The following COL24A1 variants were observed in gnomAD, a reference collection of about 807,000 sequenced individuals.
COL24A1 encodes the protein collagen type XXIV alpha 1 chain.
Under a neutral mutation model 253.9 loss-of-function variants are expected in COL24A1, and 224 were observed. That is an observed-to-expected ratio of 0.88 (90% CI 0.79 to 0.99). The LOEUF (loss-of-function observed/expected upper bound fraction) is 0.99, where lower values mean the gene tolerates loss of function less well. Ranked by LOEUF, COL24A1 falls within the 50% of genes least tolerant of loss-of-function variation. COL24A1 has a pLI of 0.00. For synonymous variants in COL24A1, 685 were observed against 673.7 expected (o/e 1.02, Z -0.26); for missense variants, 2,131 against 2,068.5 (o/e 1.03, Z -0.59).
At chr1:85,918,831 A>G (rs1372472681) in intron 24 of COL24A1, among the ~76,000 whole-genome samples, 2 of 152,220 alleles carry the variant, frequency 1.3e-5, no homozygotes, top group Non-Finnish European at 2.9e-5. Flanking sequence ...TGAAAATGTG[A>G]AAAGAAAAAA....
chr1:85,851,800 T>A (rs1359882467), intron 37 of COL24A1, among the ~76,000 whole-genome samples: 1 of 152,216 alleles, frequency 6.6e-6, no homozygotes, highest in Non-Finnish European at 1.5e-5. Context: ...TATGTTTTTA[T>A]ACATACTTAT....
chr1:85,975,160 G>C (rs1692539324), intron 20 of COL24A1, among the ~76,000 whole-genome samples: 1 of 151,950 alleles, frequency 6.6e-6, no homozygotes, highest in Non-Finnish European at 1.5e-5. Context: ...GTGATTTATT[G>C]GTGGGAATGT....
At chr1:86,027,816 T>A (rs1698187361) in intron 14 of COL24A1, among the ~76,000 whole-genome samples, 1 of 152,240 alleles carries the variant, frequency 6.6e-6, no homozygotes, top group South Asian at 2.1e-4. Context: ...ACCATTCACC[T>A]GGAAAAGCCA....
At chr1:85,909,815 T>C in intron 26 of COL24A1, 135 bp downstream of exon 26, 2 of 774,014 alleles carry the variant, frequency 2.6e-6, no homozygotes, top group Non-Finnish European at 4.5e-6. Context: ...AGATAAACCA[T>C]TTAAAAATAA....
At chr1:85,918,284 C>T (rs769030620) in intron 24 of COL24A1, among the ~76,000 whole-genome samples, 19 of 152,010 alleles carry the variant, frequency 1.2e-4, no homozygotes, top group African/African-American at 1.9e-4. Context: ...TCAATTTTCA[C>T]GTGGTATAAG....
chr1:85,862,892 T>C (rs926495598), intron 37 of COL24A1, among the ~76,000 whole-genome samples: 2 of 152,212 alleles, frequency 1.3e-5, no homozygotes, highest in Non-Finnish European at 2.9e-5. Context: ...ATTGAATCTA[T>C]AAATTACCTT....
At chr1:86,128,736 G>C (rs74097692) in intron 2 of COL24A1, among the ~76,000 whole-genome samples, 7,019 of 151,880 alleles carry the variant, frequency 0.046, 552 homozygotes, top group African/African-American at 0.16. Context: ...ATGACAAATA[G>C]CTGTTTTTTA....
At chr1:85,800,024 A>T (rs1017458765) in intron 47 of COL24A1, among the ~76,000 whole-genome samples, 1 of 152,222 alleles carries the variant, frequency 6.6e-6, no homozygotes, top group African/African-American at 2.4e-5. Flanking sequence ...AAAGGGACAG[A>T]ATCTGTTCTA....
chr1:85,866,218 G>A (rs370249091), intron 37 of COL24A1, among the ~76,000 whole-genome samples: 16 of 151,918 alleles, frequency 1.1e-4, no homozygotes, highest in Middle Eastern at 3.4e-3. Context: ...AGCCAAGATC[G>A]TGCCACTGCA....
At chr1:86,146,843 T>A (rs942421410) in intron 1 of COL24A1, among the ~76,000 whole-genome samples, 13 of 152,122 alleles carry the variant, frequency 8.5e-5, no homozygotes, top group Non-Finnish European at 1.8e-4. Flanking sequence ...TCCATTAGTA[T>A]TGATAAGCTA....
chr1:86,037,217 C>A (rs982848825), intron 12 of COL24A1, among the ~76,000 whole-genome samples: 3 of 152,114 alleles, frequency 2.0e-5, no homozygotes, highest in African/African-American at 7.2e-5. Context: ...AAAGGATCTC[C>A]AAAGATTCCC....
chr1:85,934,627 G>A (rs1398296800), intron 24 of COL24A1, among the ~76,000 whole-genome samples: 1 of 152,164 alleles, frequency 6.6e-6, no homozygotes, highest in Non-Finnish European at 1.5e-5. Flanking sequence ...AATGCCAGAA[G>A]ATGAACTACT....
intron 14 of COL24A1, among the ~76,000 whole-genome samples, chr1:86,029,035 T>C (rs1698303748): frequency 6.6e-6 from 1 of 152,102 alleles, no homozygotes; most frequent in African/African-American, 2.4e-5. Context: ...TCCATGCTAA[T>C]AGATTAAATA....
At chr1:85,968,155 C>T (rs1691759959) in intron 22 of COL24A1, among the ~76,000 whole-genome samples, 1 of 152,262 alleles carries the variant, frequency 6.6e-6, no homozygotes, top group South Asian at 2.1e-4. Flanking sequence ...CCTCAGCTTG[C>T]AGACAGCCTA....
intron 45 of COL24A1, among the ~76,000 whole-genome samples, chr1:85,820,741 G>A (rs895830277): frequency 1.3e-5 from 2 of 152,172 alleles, no homozygotes; most frequent in Middle Eastern, 3.2e-3. Context: ...ATATAAAATT[G>A]TGCTTTCTTT....
chr1:86,104,685 AC>A (rs1354159953), intron 5 of COL24A1, among the ~76,000 whole-genome samples: 9 of 152,148 alleles, frequency 5.9e-5, no homozygotes, highest in African/African-American at 2.2e-4. Flanking sequence ...ATGCTCTAAC[AC>A]TGAGGGACTG....
intron 55 of COL24A1, among the ~76,000 whole-genome samples, chr1:85,758,338 A>C (rs1240362530): frequency 6.6e-6 from 1 of 152,126 alleles, no homozygotes; most frequent in Non-Finnish European, 1.5e-5. Context: ...ATTGGAATAC[A>C]TCAGTTGGGA....
At chr1:86,017,076 GA>G in intron 19 of COL24A1, 74 bp downstream of exon 19, 1 of 1,317,404 alleles carries the variant, frequency 7.6e-7, no homozygotes, top group Non-Finnish European at 1.1e-6. Flanking sequence ...TTGCTATGTT[GA>G]AACATGTTTT....
rs113210921 is a variant in COL24A1, at chr1:86,140,066, T to C, written c.121+6053A>G. Among the ~76,000 whole-genome samples the C allele has an allele frequency of 9.7e-3, 1,473 of 152,274 alleles. 23 individuals are homozygous for C. The highest frequency in any genetic ancestry group is 0.033 in the African/African-American group (1,389 of 41,570). ...TATGGGAAAAGAAAAGGATCTGGAG[T>C]ATTCCCCTTCTTCTAATCAAAGTTA... On this transcript the variant is annotated intron_variant, in intron 2 of 59. Coordinates refer to ENST00000370571, the MANE Select transcript of COL24A1 (RefSeq NM_152890.7).
Sources: gnomAD v4.1 joint callset for allele counts (sites outside exome capture counted in the v4.1 genomes callset) on GRCh38, gnomAD v4.1.1 for gene constraint, MANE v1.5 for transcripts, NCBI Gene and HGNC (gene_info 2026-07-23, HGNC 2026-07-21) for gene names.